The following CTNNA3 variants were observed in gnomAD, a reference collection of about 807,000 sequenced individuals.
CTNNA3 encodes catenin alpha 3.
Under a neutral mutation model 95.7 loss-of-function variants are expected in CTNNA3, and 76 were observed. The observed-to-expected ratio is 0.79, with a 90% CI of 0.66 to 0.96. CTNNA3 has a LOEUF of 0.96. CTNNA3 is among the 40% of genes least tolerant of loss of function. CTNNA3 has a pLI of 0.00. For synonymous variants in CTNNA3, 431 were observed against 374.4 expected, an observed-to-expected ratio of 1.15 and a Z score of -1.74; for missense variants, 1,191 against 1,089.8, an observed-to-expected ratio of 1.09 and a Z score of -1.31.
intron 5 of CTNNA3, among the ~76,000 whole-genome samples, chr10:67,397,525 C>T (rs370375046): frequency 1.2e-3 from 186 of 152,238 alleles, no homozygotes; most frequent in African/African-American, 4.1e-3. Flanking sequence ...CATAAAAGTT[C>T]GGAAAATTTG....
chr10:65,962,716 C>G (rs1280676640), intron 17 of CTNNA3, among the ~76,000 whole-genome samples: 1 of 151,120 alleles, frequency 6.6e-6, no homozygotes, highest in Non-Finnish European at 1.5e-5. Flanking sequence ...AGCCCCCCAC[C>G]CCCCGACAGG....
At chr10:65,961,256 A>G (rs1183822864) in intron 17 of CTNNA3, among the ~76,000 whole-genome samples, 1 of 152,068 alleles carries the variant, frequency 6.6e-6, no homozygotes, top group African/African-American at 2.4e-5. Flanking sequence ...ACTTTTGGAA[A>G]ATTGAGTCTG....
At chr10:67,022,912 T>C (rs920451836) in intron 7 of CTNNA3, among the ~76,000 whole-genome samples, 1 of 152,106 alleles carries the variant, frequency 6.6e-6, no homozygotes, top group Non-Finnish European at 1.5e-5. Context: ...CACTCCAGCC[T>C]GGGCAAGAGA....
chr10:66,156,850 A>G (rs2084533039), intron 13 of CTNNA3, among the ~76,000 whole-genome samples: 1 of 151,798 alleles, frequency 6.6e-6, no homozygotes, highest in Non-Finnish European at 1.5e-5. Context: ...AAGTGTGTGA[A>G]AGGTGCTGAG....
chr10:66,011,618 G>A (rs539395620), intron 15 of CTNNA3, among the ~76,000 whole-genome samples: 3 of 152,234 alleles, frequency 2.0e-5, no homozygotes, highest in East Asian at 3.9e-4. Context: ...ATGCAAGATT[G>A]TGCCTTGACC....
intron 5 of CTNNA3, among the ~76,000 whole-genome samples, chr10:67,472,675 T>A (rs991312365): frequency 3.3e-5 from 5 of 152,106 alleles, no homozygotes; most frequent in Non-Finnish European, 5.9e-5. Context: ...TAACCACAAT[T>A]ATAACCAATG....
At chr10:66,380,187 G>C (rs2092826210) in intron 11 of CTNNA3, among the ~76,000 whole-genome samples, 1 of 146,762 alleles carries the variant, frequency 6.8e-6, no homozygotes, top group Non-Finnish European at 1.5e-5. Context: ...CACTCTCTCT[G>C]TCTGTGTCTC....
intron 5 of CTNNA3, among the ~76,000 whole-genome samples, chr10:67,416,036 T>C (rs1488710288): frequency 6.6e-6 from 1 of 152,094 alleles, no homozygotes; most frequent in Non-Finnish European, 1.5e-5. Context: ...CCTCAAACTA[T>C]AAAAATCCTA....
intron 15 of CTNNA3, among the ~76,000 whole-genome samples, chr10:66,030,852 G>A (rs1754409186): frequency 6.6e-6 from 1 of 152,012 alleles, no homozygotes; most frequent in South Asian, 2.1e-4. Flanking sequence ...AATTGAACAA[G>A]TGGAGAACAA....
At chr10:67,240,970 T>G (rs1865698636) in intron 5 of CTNNA3, among the ~76,000 whole-genome samples, 1 of 152,204 alleles carries the variant, frequency 6.6e-6, no homozygotes, top group Non-Finnish European at 1.5e-5. Flanking sequence ...ATAAATGGTA[T>G]CTGAAGCCAT....
intron 5 of CTNNA3, among the ~76,000 whole-genome samples, chr10:67,461,728 T>A (rs1847388626): frequency 6.6e-6 from 1 of 152,194 alleles, no homozygotes; most frequent in Non-Finnish European, 1.5e-5. Flanking sequence ...CCTAGTCAAT[T>A]AACCTCCAGG....
intron 9 of CTNNA3, among the ~76,000 whole-genome samples, chr10:66,760,223 C>T (rs917029925): frequency 6.6e-6 from 1 of 152,126 alleles, no homozygotes; most frequent in African/African-American, 2.4e-5. Context: ...CCTTTAGTCC[C>T]TTTCCTGGTG....
chr10:67,750,464 GA>G, intron 1 of CTNNA3: 1 of 1,516,406 alleles, frequency 6.6e-7, no homozygotes, highest in East Asian at 2.3e-5. Context: ...AGCCATCCAA[GA>G]GAAGATCCAA....
intron 2 of CTNNA3, among the ~76,000 whole-genome samples, chr10:67,635,474 A>G (rs1377593030): frequency 6.6e-6 from 1 of 152,184 alleles, no homozygotes; most frequent in African/African-American, 2.4e-5. Context: ...ATCCACCATG[A>G]TCGAGTTGTC....
At chr10:66,779,159 T>G (rs1305430424) in intron 7 of CTNNA3, among the ~76,000 whole-genome samples, 1 of 152,126 alleles carries the variant, frequency 6.6e-6, no homozygotes, top group Non-Finnish European at 1.5e-5. Flanking sequence ...GTCTTGATCA[T>G]TGTGTTCAAA....
intron 7 of CTNNA3, among the ~76,000 whole-genome samples, chr10:67,173,029 C>A (rs1042250116): frequency 2.6e-5 from 4 of 151,750 alleles, no homozygotes; most frequent in Non-Finnish European, 4.4e-5. Context: ...CATGTTTCTC[C>A]TAATAATTTT....
chr10:67,541,894 T>C (rs1840694644), intron 3 of CTNNA3, among the ~76,000 whole-genome samples: 1 of 152,082 alleles, frequency 6.6e-6, no homozygotes, highest in South Asian at 2.1e-4. Flanking sequence ...AGTTGGAAAG[T>C]TATAATAGCC....
chr10:66,380,524 A>T (rs2092829186), intron 11 of CTNNA3, among the ~76,000 whole-genome samples: 1 of 151,600 alleles, frequency 6.6e-6, no homozygotes, highest in African/African-American at 2.4e-5. Context: ...GGGAGGATTG[A>T]TTGAGCCCAG....
intron 7 of CTNNA3, among the ~76,000 whole-genome samples, chr10:67,051,463 C>CTTTTTTT (rs11334360): frequency 7.7e-6 from 1 of 129,736 alleles, no homozygotes; most frequent in Non-Finnish European, 1.7e-5. Context: ...TTTCTTTTTT[C>CTTTTTTT]TTTTTTTTTT....
Sources: allele counts gnomAD v4.1 joint callset (sites outside exome capture counted in the v4.1 genomes callset), GRCh38; gene constraint gnomAD v4.1.1; transcripts MANE v1.5; gene names NCBI Gene and HGNC (gene_info 2026-07-23, HGNC 2026-07-21).